TLL2: variants seen among roughly 807,000 people sequenced by gnomAD.
The protein encoded by TLL2 is tolloid-like protein 2.
A neutral mutation model predicts 123.0 loss-of-function variants in TLL2; 106 were observed. The observed-to-expected ratio is 0.86, with a 90% CI of 0.74 to 1.01. The LOEUF (loss-of-function observed/expected upper bound fraction) is 1.01. TLL2 is among the 50% of genes least tolerant of loss of function. The pLI is 0.00. For missense variants in TLL2, 1,332 were observed against 1,336.7 expected, an observed-to-expected ratio of 1.00 and a Z score of 0.06; for synonymous variants, 494 against 516.8, an observed-to-expected ratio of 0.96 and a Z score of 0.60.
intron 19 of TLL2, among the ~76,000 whole-genome samples, chr10:96,370,865 G>A (rs747192263): frequency 9.2e-5 from 14 of 152,212 alleles, no homozygotes; most frequent in Non-Finnish European, 2.1e-4. Flanking sequence ...GGCCAACTTT[G>A]AGGTCCCTGT....
At chr10:96,506,433 G>A (rs139640627) in intron 1 of TLL2, among the ~76,000 whole-genome samples, 3 of 151,802 alleles carry the variant, frequency 2.0e-5, no homozygotes, top group East Asian at 3.9e-4. Flanking sequence ...GCTGGGGAGT[G>A]CCCTGAGAAT....
At position 96,446,174 on chromosome 10, in the gene TLL2, G is replaced by C. The variant is rs761577641; in HGVS notation, c.287-6C>G. The C allele has an allele frequency of 6.2e-7, 1 of 1,614,006 alleles. No individual in the cohort carries two copies. Among genetic ancestry groups the C allele is most frequent in the Non-Finnish European group, 8.5e-7 (1 of 1,179,988 alleles). On this transcript the variant is annotated splice_polypyrimidine_tract_variant and splice_region_variant and intron_variant, in intron 2 of 20. Coordinates refer to ENST00000357947, the MANE Select transcript of TLL2 (RefSeq NM_012465.4). ...TGCCTGCTCTTCAAGCCCACCTAGA[G>C]GAATGGAGAAGAAAGAGGCATGAGG...
At chr10:96,433,958 A>G (rs1846769724) in intron 3 of TLL2, among the ~76,000 whole-genome samples, 1 of 152,096 alleles carries the variant, frequency 6.6e-6, no homozygotes, top group Non-Finnish European at 1.5e-5. Context: ...GTATTTTACT[A>G]GAGATGGGGT....
Position 96,421,050 on chromosome 10 carries a change from T to G in TLL2, c.829A>C (p.Asn277His). Reference protein sequence around the residue: ...RENIQPGQEYNFLKMEAGEVS... With the variant: ...RENIQPGQEYHFLKMEAGEVS... ...TCCCCAGCTTCCATTTTTAAGAAATTATACTCCTGACCTGTGACACAACAC... is the reference window on the plus strand; with the variant it reads ...TCCCCAGCTTCCATTTTTAAGAAATGATACTCCTGACCTGTGACACAACAC... Residue 277 changes from asparagine (N) to histidine (H), a missense_variant, in exon 7 of 21, where the codon AAT becomes CAT. Coordinates refer to ENST00000357947, the MANE Select transcript of TLL2 (RefSeq NM_012465.4). The G allele has an allele frequency of 6.2e-7, 1 of 1,613,858 alleles. No individual in the cohort carries two copies. The highest frequency in any genetic ancestry group is 8.5e-7 in the Non-Finnish European group (1 of 1,179,826).
chr10:96,477,674 T>G (rs1847272968), intron 2 of TLL2, among the ~76,000 whole-genome samples: 2 of 152,224 alleles, frequency 1.3e-5, no homozygotes, highest in African/African-American at 4.8e-5. Flanking sequence ...GCAGCATTAC[T>G]CTGAGGTAAG....
At chr10:96,414,403 C>T (rs899901872) in intron 7 of TLL2, among the ~76,000 whole-genome samples, 3 of 152,204 alleles carry the variant, frequency 2.0e-5, no homozygotes, top group Non-Finnish European at 4.4e-5. Context: ...TAGACAGCTT[C>T]CAATCTCCGT....
intron 18 of TLL2, 122 bp downstream of exon 18, chr10:96,376,570 A>G: frequency 9.5e-7 from 1 of 1,057,284 alleles, no homozygotes; most frequent in Non-Finnish European, 1.3e-6. Flanking sequence ...AATGAAACTG[A>G]GACCTGGAAA....
chr10:96,513,771 G>T lies in TLL2; in HGVS notation c.-86C>A. ...AAGACGGCGCACACTGGGTCGGTCGGCTCCGGCCGGGACTCGGTGGTTACA... is the reference window on the plus strand; with the variant it reads ...AAGACGGCGCACACTGGGTCGGTCGTCTCCGGCCGGGACTCGGTGGTTACA... On this transcript the variant is annotated 5_prime_UTR_variant, in exon 1 of 21. Coordinates refer to ENST00000357947, the MANE Select transcript of TLL2 (RefSeq NM_012465.4). 7.4e-7 allele frequency: 1 copy of T among 1,349,462 alleles called. No homozygotes were observed. The highest frequency in any genetic ancestry group is 9.7e-7 in the Non-Finnish European group (1 of 1,033,146). 83.6% of individuals were successfully genotyped at this position (1,349,462 alleles called of 1,614,324 possible).
rs745772605 is a variant in TLL2 at position 96,410,392 on chromosome 10, G to A, written c.1131C>T (p.Cys377=). The part of the protein sequence containing the change: ...FPNGYPSYSH[C]VWRISVTPGE... ...CTGGGGTGACCGAGATCCTCCAGAC[G>A]CAGTGGGAGTAAGATGGGTACCCAT... Residue 377 remains cysteine (C), a synonymous_variant, in exon 9 of 21, where the codon TGC becomes TGT. Coordinates refer to ENST00000357947, the MANE Select transcript of TLL2 (RefSeq NM_012465.4). 3.1e-5 allele frequency: 50 copies of A among 1,613,616 alleles called. No homozygotes were observed. Among genetic ancestry groups the A allele is most frequent in the African/African-American group, 5.3e-5 (4 of 74,908 alleles).
chr10:96,386,556 G>A (rs1405933936), intron 14 of TLL2, among the ~76,000 whole-genome samples: 1 of 152,252 alleles, frequency 6.6e-6, no homozygotes, highest in Non-Finnish European at 1.5e-5. Flanking sequence ...GCATGAACAA[G>A]CGGATTCATG....
intron 13 of TLL2, among the ~76,000 whole-genome samples, chr10:96,393,732 T>C (rs1384576318): frequency 2.2e-4 from 11 of 50,902 alleles, no homozygotes; most frequent in Non-Finnish European, 5.8e-4. Context: ...TTTTTTTTCT[T>C]TTTTTTCTTT....
intron 10 of TLL2, among the ~76,000 whole-genome samples, chr10:96,398,432 T>C (rs1371843406): frequency 1.3e-5 from 2 of 152,148 alleles, no homozygotes; most frequent in Non-Finnish European, 2.9e-5. Context: ...ACATACAAAT[T>C]GACCAAAACT....
At chr10:96,438,127 T>C (rs751194671) in intron 3 of TLL2, among the ~76,000 whole-genome samples, 2 of 152,218 alleles carry the variant, frequency 1.3e-5, no homozygotes, top group Non-Finnish European at 2.9e-5. Context: ...TAAGCTTGTC[T>C]ATGCCTGCAA....
chr10:96,442,563 C>T (rs1395965808), intron 3 of TLL2, among the ~76,000 whole-genome samples: 1 of 152,202 alleles, frequency 6.6e-6, no homozygotes, highest in African/African-American at 2.4e-5. Context: ...TGCTGTAATG[C>T]AGAGTGAAGG....
At chr10:96,477,385 T>C (rs1187943336) in intron 2 of TLL2, among the ~76,000 whole-genome samples, 1 of 151,592 alleles carries the variant, frequency 6.6e-6, no homozygotes, top group Non-Finnish European at 1.5e-5. Context: ...AGTCTTGCTC[T>C]GTCGCCCAGG....
rs1032653329 is a variant in TLL2, at chr10:96,384,530, G to A, written c.2194+57C>T. On this transcript the variant is annotated intron_variant, in intron 16 of 20. Transcript: ENST00000357947. ...AGGGGGCCAGGGACCCCAGAGCCTG[G>A]AGTCTGCAAAGCCGCCTCACTCGCG... The A allele has an allele frequency of 3.4e-6, 5 of 1,463,148 alleles. No individual in the cohort carries two copies. In the African/African-American group the frequency reaches 7.1e-5, roughly 21 times the overall value. The allele number at this position is 1,463,148 out of a possible 1,614,324, so 90.6% of individuals were successfully genotyped here.
At chr10:96,481,986 G>A (rs1021109019) in intron 1 of TLL2, among the ~76,000 whole-genome samples, 2 of 152,304 alleles carry the variant, frequency 1.3e-5, no homozygotes, top group Non-Finnish European at 2.9e-5. Context: ...AGCCAGGTGC[G>A]GTGGCTCACG....
intron 15 of TLL2, among the ~76,000 whole-genome samples, chr10:96,385,385 T>C (rs959663395): frequency 2.9e-4 from 44 of 152,356 alleles, no homozygotes; most frequent in African/African-American, 1.0e-3. Flanking sequence ...ATATTCACTT[T>C]GGGGTGACAC....
In TLL2 at chr10:96,368,080, C is replaced by T; in HGVS notation, c.*8G>A. ...ATTCTCAGTTTCTGTCTTTCAAGAA[C>T]ATCAGCACTATTTCTTCATGTGCAG... On this transcript the variant is annotated 3_prime_UTR_variant, in exon 21 of 21. Transcript: ENST00000357947. 1.2e-6 allele frequency: 2 copies of T among 1,613,786 alleles called. No homozygotes were observed. Among genetic ancestry groups the T allele is most frequent in the Non-Finnish European group, 1.7e-6 (2 of 1,179,900 alleles).
Sources: gnomAD v4.1 joint callset for allele counts (sites outside exome capture counted in the v4.1 genomes callset) on GRCh38, gnomAD v4.1.1 for gene constraint, MANE v1.5 for transcripts, NCBI Gene and HGNC (gene_info 2026-07-23, HGNC 2026-07-21) for gene names.